The following ADCY10 variants were observed in gnomAD, a reference collection of about 807,000 sequenced individuals.
ADCY10 encodes the protein adenylate cyclase type 10.
A neutral mutation model predicts 183.3 loss-of-function variants in ADCY10; 156 were observed. That is an observed-to-expected ratio of 0.85 (90% CI 0.75 to 0.97). The LOEUF (loss-of-function observed/expected upper bound fraction) is 0.97, where lower values mean the gene tolerates loss of function less well. ADCY10 is among the 50% of genes least tolerant of loss of function. ADCY10 has a pLI of 0.00. For missense variants in ADCY10, 1,745 were observed against 1,934.3 expected (o/e 0.90, Z 1.84); for synonymous variants, 645 against 670.0 (o/e 0.96, Z 0.58).
At chr1:167,834,127 C>T (rs1403186009) in intron 23 of ADCY10, 50 bp from the exon 24 acceptor site, 1 of 1,428,074 alleles carries the variant, frequency 7.0e-7, no homozygotes. Flanking sequence ...AGGGATTGAG[C>T]CCACAGAAGG....
rs774914756 is a variant in ADCY10, at chr1:167,845,690, A to T, written c.2880T>A (p.Asp960Glu). The change falls in exon 21 of 33, where the codon GAT becomes GAA. Residue 960 changes from aspartate (D) to glutamate (E), a missense_variant. Asp to Glu is a conservative substitution (Grantham distance 45, BLOSUM62 2). Transcript: ENST00000367851. ...HLKCARFLEE[D>E]AHRCDHCRGR... is the part of the protein sequence containing the mutation. ...CTCGGCAGTGGTCACATCTGTGGGC[A>T]TCTTCTTCTAAAAAGCGGGCACATT... 1.2e-6 allele frequency: 2 copies of T among 1,614,256 alleles called. No homozygotes were observed. Among genetic ancestry groups the T allele is most frequent in the East Asian group, 4.5e-5 (2 of 44,890 alleles).
At chr1:167,885,978 G>A (rs1279974301) in intron 8 of ADCY10, among the ~76,000 whole-genome samples, 2 of 151,972 alleles carry the variant, frequency 1.3e-5, no homozygotes, top group Admixed American at 6.6e-5. Flanking sequence ...AGCTGTTACA[G>A]CTTCTTATAT....
intron 9 of ADCY10, among the ~76,000 whole-genome samples, chr1:167,881,189 G>A (rs776534373): frequency 5.3e-5 from 8 of 152,280 alleles, no homozygotes; most frequent in Non-Finnish European, 7.4e-5. Context: ...AAAGGCTTAG[G>A]CTGTAAGTAG....
intron 3 of ADCY10, among the ~76,000 whole-genome samples, chr1:167,903,011 T>A (rs934480627): frequency 6.6e-6 from 1 of 152,122 alleles, no homozygotes; most frequent in Non-Finnish European, 1.5e-5. Context: ...TCCCAGCACT[T>A]TGGGAGGCTG....
intron 21 of ADCY10, among the ~76,000 whole-genome samples, chr1:167,841,502 C>CTTTTTTTTTTTTTTTTTTT (rs71100905): frequency 2.2e-5 from 2 of 90,898 alleles, no homozygotes; most frequent in African/African-American, 6.3e-5. Context: ...ATATGCTTTC[C>CTTTTTTTTTTTTTTTTTTT]TTTTTTTTTT....
rs879030742 is a variant in ADCY10, at chr1:167,822,999, C to A, written c.4168+9G>T. The A allele has an allele frequency of 6.2e-7, 1 of 1,612,698 alleles. No homozygotes were observed. Among genetic ancestry groups the A allele is most frequent in the Non-Finnish European group, 8.5e-7 (1 of 1,178,768 alleles). On this transcript the variant is annotated intron_variant, in intron 29 of 32. Coordinates refer to ENST00000367851, the MANE Select transcript of ADCY10 (RefSeq NM_018417.6). ...CCCAAGTTCTTTTACATCCCAAACC[C>A]ACACTTACCAGAATAAAGCAGGATG...
chr1:167,861,838 G>A (rs1212269863), intron 14 of ADCY10, among the ~76,000 whole-genome samples: 1 of 152,140 alleles, frequency 6.6e-6, no homozygotes, highest in Non-Finnish European at 1.5e-5. Flanking sequence ...TGGATCATGA[G>A]GGCGGTTCCC....
rs768030390 is a variant in ADCY10, at chr1:167,845,637, A to G, written c.2933T>C (p.Phe978Ser). The G allele has an allele frequency of 8.4e-5, 136 of 1,614,130 alleles. No homozygotes were observed. The highest frequency in any genetic ancestry group is 1.1e-4 in the Non-Finnish European group (126 of 1,180,046). Residue 978 changes from phenylalanine to serine, a missense_variant, in exon 21 of 33, where the codon TTC becomes TCC. Phe to Ser is a radical substitution (Grantham distance 155). Transcript: ENST00000367851. ...RGRDFIPYHH[F>S]TVNIRLNALD... Reference sequence around the variant, plus strand: ...AGCGTTGAGCCGAATATTCACTGTGAAGTGATGATAGGGAATGAAGTCCCT... The same window carrying G: ...AGCGTTGAGCCGAATATTCACTGTGGAGTGATGATAGGGAATGAAGTCCCT...
chr1:167,858,335 T>C (rs540494503), intron 16 of ADCY10, among the ~76,000 whole-genome samples: 55 of 151,688 alleles, frequency 3.6e-4, no homozygotes, highest in Non-Finnish European at 7.7e-4. Context: ...CCATTTCTAC[T>C]AAAAATACAA....
In ADCY10 at chr1:167,883,673, ATCCC is replaced by A. The variant is rs1216840235; in HGVS notation, c.829-49_829-46del. On this transcript the variant is annotated intron_variant, in intron 8 of 32. Transcript: ENST00000367851. ...TTTCTGTAGGTGTCCTTGGCAGTGG[ATCCC>A]TCCCCCAACACCGCCCCCACCTCAT... 3 of 1,597,804 alleles carry A rather than the reference ATCCC, an allele frequency of 1.9e-6. No homozygotes were observed. The South Asian group carries it at 3.3e-5, about 18-fold the overall frequency.
At chr1:167,900,635 C>A (rs1159901880) in intron 5 of ADCY10, among the ~76,000 whole-genome samples, 4 of 152,006 alleles carry the variant, frequency 2.6e-5, no homozygotes, top group Non-Finnish European at 5.9e-5. Flanking sequence ...TGGGTTCAAG[C>A]AATTCTCCTG....
Position 167,833,088 on chromosome 1 carries a change from G to T in ADCY10, c.3492C>A (p.Ile1164=). Residue 1164 remains isoleucine (I), a synonymous_variant, in exon 25 of 33, where the codon ATC becomes ATA. Transcript: ENST00000367851. The part of the protein sequence containing the change: ...LRKALKLLNR[I]FPYNLISLFL... ...ACAAGGAGATTAAGTTGTAAGGAAA[G>T]ATTCGGTTGAGGAGCTTCAGTGCCT... 1 of 1,614,200 alleles carries T rather than the reference G, an allele frequency of 6.2e-7. No homozygotes were observed. Among genetic ancestry groups the T allele is most frequent in the Non-Finnish European group, 8.5e-7 (1 of 1,180,022 alleles).
At chr1:167,911,914 A>G (rs1201114575) in intron 1 of ADCY10, among the ~76,000 whole-genome samples, 2 of 152,238 alleles carry the variant, frequency 1.3e-5, no homozygotes, top group African/African-American at 2.4e-5. Context: ...ATGCATTTTG[A>G]GATTAAGATG....
At chr1:167,819,308 T>C (rs1357919978) in intron 30 of ADCY10, among the ~76,000 whole-genome samples, 2 of 147,880 alleles carry the variant, frequency 1.4e-5, no homozygotes, top group Non-Finnish European at 3.0e-5. Flanking sequence ...TGGAGTACAA[T>C]GGCACGATCT....
At position 167,846,140 on chromosome 1, in the gene ADCY10, A is replaced by C; in HGVS notation, c.2561T>G (p.Met854Arg). Residue 854 changes from methionine to arginine, a missense_variant, in exon 20 of 33, where the codon ATG (methionine) becomes AGG (arginine). By Grantham distance (91) the Met-to-Arg change is moderately conservative (BLOSUM62 -1). Coordinates refer to ENST00000367851, the MANE Select transcript of ADCY10 (RefSeq NM_018417.6). ...TGCCAGGGTCTTGATCATCATCTTC[A>C]TATTCCAACAGGGGAGAATCTCAAA... ...LLFEILPCWN[M>R]KMMIKTLATL... The C allele has an allele frequency of 6.2e-7, 1 of 1,614,174 alleles. No individual in the cohort carries two copies. The highest frequency in any genetic ancestry group is 8.5e-7 in the Non-Finnish European group (1 of 1,180,036).
chr1:167,841,339 A>G (rs979844846), intron 21 of ADCY10, among the ~76,000 whole-genome samples: 1 of 151,910 alleles, frequency 6.6e-6, no homozygotes, highest in African/African-American at 2.4e-5. Flanking sequence ...CTCTGCCTAG[A>G]ACAGTCTTCC....
intron 26 of ADCY10, among the ~76,000 whole-genome samples, chr1:167,828,464 C>T (rs1663476844): frequency 6.6e-6 from 1 of 152,104 alleles, no homozygotes; most frequent in South Asian, 2.1e-4. Flanking sequence ...TGGAGTCTTC[C>T]AGAGGCAACA....
At chr1:167,836,628 G>A (rs570958117) in intron 22 of ADCY10, 88 bp from the exon 23 acceptor site, 12 of 946,610 alleles carry the variant, frequency 1.3e-5, no homozygotes, top group African/African-American at 6.5e-5. Context: ...GGTGGCTCAC[G>A]CCTGTAATTC....
chr1:167,831,416 A>G (rs536296091), intron 25 of ADCY10, among the ~76,000 whole-genome samples: 6 of 152,086 alleles, frequency 3.9e-5, no homozygotes, highest in South Asian at 4.2e-4. Context: ...CTGGTCTCGA[A>G]CTCCCAACTT....
Sources: gnomAD v4.1 joint callset for allele counts (sites outside exome capture counted in the v4.1 genomes callset) on GRCh38, gnomAD v4.1.1 for gene constraint, MANE v1.5 for transcripts, NCBI Gene and HGNC (gene_info 2026-07-23, HGNC 2026-07-21) for gene names.